NAV1: variants seen among roughly 807,000 people sequenced by gnomAD.
The protein encoded by NAV1 is pore membrane and/or filament interacting like protein 3.
Under a neutral mutation model 175.2 loss-of-function variants are expected in NAV1, and 18 were observed. The ratio of observed to expected loss-of-function variants is 0.10; its 90% confidence interval spans 0.07 to 0.15. NAV1 has a LOEUF of 0.15. Ranked by LOEUF, NAV1 falls within the 10% of genes least tolerant of loss-of-function variation. NAV1 has a pLI of 1.00. For synonymous variants in NAV1, 897 were observed against 978.7 expected (o/e 0.92, Z 1.56); for missense variants, 1,731 against 2,436.6 (o/e 0.71, Z 6.10).
chr1:201,643,361 C>A (rs1558032416), upstream of NAV1, among the ~76,000 whole-genome samples: 1 of 141,292 alleles, frequency 7.1e-6, no homozygotes, highest in Non-Finnish European at 1.5e-5. Context: ...TCTTCCCTCT[C>A]TTCTTTCTTT....
chr1:201,809,195 T>C (rs759835939), exon 21 of NAV1: 3 of 1,613,858 alleles, frequency 1.9e-6, no homozygotes, highest in Non-Finnish European at 2.5e-6. Flanking sequence ...TCAGTACTTG[T>C]GGTCCAAAGG....
intron 1 of NAV1, among the ~76,000 whole-genome samples, chr1:201,670,506 G>T (rs1255386037): frequency 6.6e-6 from 1 of 151,910 alleles, no homozygotes; most frequent in African/African-American, 2.4e-5. Flanking sequence ...TGAGCAGGCA[G>T]ATGTGGTGGT....
intron 3 of NAV1, among the ~76,000 whole-genome samples, chr1:201,734,409 A>G (rs1289136161): frequency 6.6e-6 from 1 of 150,716 alleles, no homozygotes; most frequent in Non-Finnish European, 1.5e-5. Flanking sequence ...ACCCTGTCTC[A>G]AAAAAGAAAA....
chr1:201,697,970 T>C (rs938957734), intron 1 of NAV1, among the ~76,000 whole-genome samples: 2 of 152,266 alleles, frequency 1.3e-5, no homozygotes, highest in Middle Eastern at 3.4e-3. Context: ...GGCCCAGACA[T>C]TGAATACCTT....
At chr1:201,575,072 G>A (rs572015934) in intron 1 of NAV1, among the ~76,000 whole-genome samples, 1 of 152,326 alleles carries the variant, frequency 6.6e-6, no homozygotes, top group Non-Finnish European at 1.5e-5. Context: ...CAACCTAGAT[G>A]GTGCTTTCTC....
At chr1:201,752,837 CTG>C (rs919501642) in intron 3 of NAV1, among the ~76,000 whole-genome samples, 11 of 152,184 alleles carry the variant, frequency 7.2e-5, no homozygotes, top group African/African-American at 1.2e-4. Context: ...TGTGAGGAAA[CTG>C]TTCTTTACTG....
At chr1:201,628,823 T>C (rs991684001) in intron 1 of NAV1, among the ~76,000 whole-genome samples, 14 of 152,166 alleles carry the variant, frequency 9.2e-5, no homozygotes, top group Admixed American at 7.2e-4. Flanking sequence ...CCTTCCTTCC[T>C]GCTACCACAA....
At chr1:201,572,180 T>A (rs1372695110) in intron 1 of NAV1, among the ~76,000 whole-genome samples, 2 of 152,056 alleles carry the variant, frequency 1.3e-5, no homozygotes, top group Non-Finnish European at 2.9e-5. Flanking sequence ...CAGCGGGGTT[T>A]TTGGTCCTCC....
intron 1 of NAV1, among the ~76,000 whole-genome samples, chr1:201,699,000 A>G (rs941274336): frequency 6.6e-6 from 1 of 152,252 alleles, no homozygotes; most frequent in Non-Finnish European, 1.5e-5. Context: ...AAAGGCAAAC[A>G]CTTTATAGAA....
At chr1:201,545,369 T>TTAAA (rs1220547749) in intron 1 of NAV1, among the ~76,000 whole-genome samples, 6 of 151,692 alleles carry the variant, frequency 4.0e-5, no homozygotes, top group African/African-American at 1.2e-4. Flanking sequence ...TCTTTTTTTT[T>TTAAA]TTAATTAATT....
At chr1:201,586,887 C>G (rs1331405458) in intron 1 of NAV1, among the ~76,000 whole-genome samples, 1 of 152,108 alleles carries the variant, frequency 6.6e-6, no homozygotes, top group East Asian at 1.9e-4. Flanking sequence ...TTCATAGCAC[C>G]TCTGAACTGT....
intron 9 of NAV1, 64 bp downstream of exon 13, chr1:201,786,641 C>T (rs1676770329): frequency 1.3e-6 from 2 of 1,516,038 alleles, no homozygotes; most frequent in African/African-American, 2.7e-5. Context: ...CAGGGTGAGG[C>T]AAGGCAGGTG....
At chr1:201,550,871 A>G (rs2102452867) in intron 1 of NAV1, among the ~76,000 whole-genome samples, 1 of 152,318 alleles carries the variant, frequency 6.6e-6, no homozygotes, top group East Asian at 1.9e-4. Flanking sequence ...CAGTCACCTG[A>G]CCCAGAGGAT....
chr1:201,767,147 G>A (rs1675259532), intron 3 of NAV1, among the ~76,000 whole-genome samples: 1 of 146,416 alleles, frequency 6.8e-6, no homozygotes, highest in Non-Finnish European at 1.5e-5. Context: ...TGTTATAGTA[G>A]AAACATTTAA....
intron 1 of NAV1, among the ~76,000 whole-genome samples, chr1:201,579,245 T>C (rs1666777714): frequency 6.6e-6 from 1 of 152,186 alleles, no homozygotes; most frequent in South Asian, 2.1e-4. Flanking sequence ...CATTTCTGGG[T>C]TGATGACTTC....
intron 2 of NAV1, among the ~76,000 whole-genome samples, chr1:201,630,032 A>G (rs1668441626): frequency 2.0e-5 from 3 of 152,200 alleles, no homozygotes; most frequent in African/African-American, 4.8e-5. Context: ...AATTTCAAAT[A>G]CAGCAATATT....
chr1:201,809,127 A>T, intron 20 of NAV1, 37 bp from the exon 25 acceptor site: 2 of 1,580,834 alleles, frequency 1.3e-6, no homozygotes, highest in East Asian at 2.2e-5. Context: ...GGCTGCGGGT[A>T]CTCCTAAAAC....
chr1:201,681,750 A>G (rs1670474200), intron 1 of NAV1, among the ~76,000 whole-genome samples: 1 of 152,170 alleles, frequency 6.6e-6, no homozygotes, highest in East Asian at 1.9e-4. Flanking sequence ...AGGGGGGCAG[A>G]TCACTTGAGG....
At position 201,813,196 on chromosome 1, in the gene NAV1, A is replaced by G; in HGVS notation, c.5278A>G (p.Ile1760Val). The change falls in exon 28 of 30, where the codon ATT (isoleucine) becomes GTT (valine). Residue 1760 changes from isoleucine (I) to valine (V), a missense_variant. Physicochemically the swap from Ile to Val is conservative, Grantham distance 29. Transcript: ENST00000367296. The surrounding 1 kb of genome is among the most constrained non-coding windows in gnomAD (Gnocchi z 4.2). ...CATTGAGGACTTCCGGACCTGGTTCATTGACCTGTGGAACAACTCTATCAT... is the reference window on the plus strand; with the variant it reads ...CATTGAGGACTTCCGGACCTGGTTCGTTGACCTGTGGAACAACTCTATCAT... 1.2e-6 allele frequency: 2 copies of G among 1,614,124 alleles called. No homozygotes were observed. The highest frequency in any genetic ancestry group is 1.7e-6 in the Non-Finnish European group (2 of 1,180,010).
Sources: allele counts gnomAD v4.1 joint callset (sites outside exome capture counted in the v4.1 genomes callset), GRCh38; gene constraint gnomAD v4.1.1; non-coding constraint Gnocchi (gnomAD v3.1); transcripts MANE v1.5; gene names NCBI Gene and HGNC (gene_info 2026-07-23, HGNC 2026-07-21).